Variants in ATRNL1 observed in about 807,000 individuals in gnomAD.
ATRNL1 encodes the protein attractin-like protein 1.
A neutral mutation model predicts 182.7 loss-of-function variants in ATRNL1; 95 were observed. The observed-to-expected ratio is 0.52, with a 90% CI of 0.44 to 0.62. ATRNL1 has a LOEUF of 0.62. Ranked by LOEUF, ATRNL1 falls within the 20% of genes least tolerant of loss-of-function variation. The pLI is 0.00. For missense variants in ATRNL1, 1,471 were observed against 1,679.5 expected (o/e 0.88, Z 2.17); for synonymous variants, 576 against 568.3 (o/e 1.01, Z -0.19).
intron 28 of ATRNL1, chr10:115,909,633 A>C (rs1952613234): frequency 6.6e-6 from 1 of 151,386 alleles, no homozygotes; most frequent in Admixed American, 6.6e-5. Flanking sequence ...AAAAAAAAAA[A>C]AAAAAAAAAA....
At chr10:115,261,268 A>T (rs1158463900) in intron 10 of ATRNL1, among the ~76,000 whole-genome samples, 3 of 152,170 alleles carry the variant, frequency 2.0e-5, no homozygotes, top group Non-Finnish European at 2.9e-5. Context: ...AGTGAAATAA[A>T]ATTATTTTTT....
intron 26 of ATRNL1, among the ~76,000 whole-genome samples, chr10:115,621,276 T>TATATATATATATATATATATATAGAG (rs1268020830): frequency 2.1e-5 from 1 of 47,584 alleles, no homozygotes; most frequent in African/African-American, 7.4e-5. Flanking sequence ...TATATATATA[T>TATATATATATATATATATATATAGAG]AGAGAGAGAG....
chr10:115,298,214 G>T (rs1853301602), intron 15 of ATRNL1, among the ~76,000 whole-genome samples: 2 of 152,234 alleles, frequency 1.3e-5, no homozygotes, highest in South Asian at 4.1e-4. Context: ...ACAAATTCAT[G>T]CACTTTATAG....
chr10:115,302,746 C>CT (rs1853538114), intron 17 of ATRNL1, among the ~76,000 whole-genome samples: 1 of 152,106 alleles, frequency 6.6e-6, no homozygotes, highest in Non-Finnish European at 1.5e-5. Flanking sequence ...AGTGGCCTTG[C>CT]TTACAAACAC....
At chr10:115,424,883 G>C (rs556709956) in intron 20 of ATRNL1, among the ~76,000 whole-genome samples, 3 of 152,176 alleles carry the variant, frequency 2.0e-5, no homozygotes, top group Admixed American at 6.5e-5. Context: ...ACACTTTGTG[G>C]TGCTCTATTG....
intron 27 of ATRNL1, among the ~76,000 whole-genome samples, chr10:115,776,607 T>TTTTTTTTTTTTTTTTTTTTTTGA (rs1565369382): frequency 1.7e-4 from 26 of 152,214 alleles, no homozygotes; most frequent in African/African-American, 5.8e-4. Flanking sequence ...TATTCATTCT[T>TTTTTTTTTTTTTTTTTTTTTTGA]GAAACGAAGC....
chr10:115,747,982 A>C (rs1360719296), intron 27 of ATRNL1, among the ~76,000 whole-genome samples: 2 of 151,980 alleles, frequency 1.3e-5, no homozygotes, highest in African/African-American at 4.8e-5. Flanking sequence ...TTACATCCCA[A>C]AGACTTCACC....
chr10:115,642,367 A>G (rs1265883600), intron 26 of ATRNL1, among the ~76,000 whole-genome samples: 2 of 152,222 alleles, frequency 1.3e-5, no homozygotes, highest in Non-Finnish European at 2.9e-5. Context: ...TTTTTGAATT[A>G]GAAGAATTAA....
intron 26 of ATRNL1, among the ~76,000 whole-genome samples, chr10:115,596,305 C>T (rs527573181): frequency 9.1e-4 from 139 of 152,222 alleles, no homozygotes; most frequent in African/African-American, 3.1e-3. Flanking sequence ...AGGGTTTCAC[C>T]ATGTTGTCAA....
At chr10:115,497,207 A>G (rs1379283908) in intron 24 of ATRNL1, among the ~76,000 whole-genome samples, 1 of 152,172 alleles carries the variant, frequency 6.6e-6, no homozygotes, top group African/African-American at 2.4e-5. Flanking sequence ...TTGCAACTCT[A>G]TCAGATCAGT....
At chr10:115,249,831 A>G (rs946011605) in intron 10 of ATRNL1, among the ~76,000 whole-genome samples, 4 of 152,198 alleles carry the variant, frequency 2.6e-5, no homozygotes, top group Admixed American at 2.0e-4. Context: ...TTATGAAGTG[A>G]TAATAACCTA....
At chr10:115,411,265 AAATT>A (rs1375790526) in intron 20 of ATRNL1, among the ~76,000 whole-genome samples, 1 of 150,534 alleles carries the variant, frequency 6.6e-6, no homozygotes, top group Non-Finnish European at 1.5e-5. Context: ...ATATTTAAAT[AAATT>A]AAATATTTAA....
chr10:115,713,771 G>T (rs543681651), intron 26 of ATRNL1, among the ~76,000 whole-genome samples: 7 of 151,144 alleles, frequency 4.6e-5, no homozygotes, highest in African/African-American at 1.7e-4. Flanking sequence ...ATAAGAGATT[G>T]AATGAGCCAA....
At chr10:115,268,610 G>T (rs1332138594) in intron 13 of ATRNL1, among the ~76,000 whole-genome samples, 166 bp downstream of exon 13, 1 of 152,106 alleles carries the variant, frequency 6.6e-6, no homozygotes. Flanking sequence ...AAGTTAGATT[G>T]GTTTGTTGTT....
chr10:115,592,130 G>A (rs1381156078), intron 26 of ATRNL1, among the ~76,000 whole-genome samples: 1 of 152,122 alleles, frequency 6.6e-6, no homozygotes, highest in Non-Finnish European at 1.5e-5. Flanking sequence ...TGATACACAA[G>A]GTCGTAAAGA....
At chr10:115,904,136 A>G (rs554608783) in intron 28 of ATRNL1, among the ~76,000 whole-genome samples, 7 of 152,156 alleles carry the variant, frequency 4.6e-5, no homozygotes, top group African/African-American at 7.2e-5. Context: ...GAAAAGACCA[A>G]TGGAAAGTCC....
intron 28 of ATRNL1, 57 bp from the exon 29 acceptor site, chr10:115,944,601 G>A (rs939036670): frequency 6.2e-5 from 93 of 1,499,150 alleles, no homozygotes; most frequent in Non-Finnish European, 8.4e-5. Context: ...CACCACCACT[G>A]TTGCCATCCC....
At chr10:115,408,496 G>C (rs1320962161) in intron 20 of ATRNL1, among the ~76,000 whole-genome samples, 4 of 152,164 alleles carry the variant, frequency 2.6e-5, no homozygotes, top group African/African-American at 9.7e-5. Flanking sequence ...CAGATGAATA[G>C]TTTGCAACCC....
intron 26 of ATRNL1, among the ~76,000 whole-genome samples, chr10:115,661,607 T>A (rs1555037769): frequency 2.0e-5 from 3 of 152,146 alleles, no homozygotes; most frequent in Admixed American, 2.0e-4. Context: ...ATTGATTGAT[T>A]ATATTTGAAG....
Sources: allele counts gnomAD v4.1 joint callset (sites outside exome capture counted in the v4.1 genomes callset), GRCh38; gene constraint gnomAD v4.1.1; transcripts MANE v1.5; gene names NCBI Gene and HGNC (gene_info 2026-07-23, HGNC 2026-07-21).